ZMIZ2: variants seen among roughly 807,000 people sequenced by gnomAD.
The protein encoded by ZMIZ2 is zinc finger MIZ-type containing 2, also known as zinc finger MIZ domain-containing protein 2.
Under a neutral mutation model 93.9 loss-of-function variants are expected in ZMIZ2, and 26 were observed. The ratio of observed to expected loss-of-function variants is 0.28; its 90% CI spans 0.20 to 0.38. ZMIZ2 has a LOEUF of 0.38. Ranked by LOEUF, ZMIZ2 falls within the 10% of genes least tolerant of loss-of-function variation. The pLI is 1.00. For missense variants in ZMIZ2, 1,023 were observed against 1,235.0 expected (o/e 0.83, Z 2.57); for synonymous variants, 485 against 516.4 (o/e 0.94, Z 0.82).
chr7:44,767,763 C>T lies in ZMIZ2; in HGVS notation c.*140C>T, dbSNP rs1008684399. The T allele has an allele frequency of 3.0e-5, 22 of 744,344 alleles. No individual in the cohort carries two copies. Among genetic ancestry groups the T allele is most frequent in the Non-Finnish European group, 4.5e-5 (20 of 445,014 alleles). The allele number at this position is 744,344 out of a possible 1,614,324, so 46.1% of individuals were successfully genotyped here. ...CACACCTGGAGCCAGAGCCTTCTGC[C>T]GCCAGCCCTGCCCCTGAATTGGAAG... is the stretch of plus-strand genomic sequence containing the variant. On this transcript the variant is annotated 3_prime_UTR_variant, in exon 19 of 19. Coordinates refer to ENST00000309315, the MANE Select transcript of ZMIZ2 (RefSeq NM_031449.4).
In ZMIZ2 at chr7:44,760,405, G is replaced by A. The variant is rs772018972; in HGVS notation, c.1072-20G>A. On this transcript the variant is annotated intron_variant, in intron 8 of 18. Transcript: ENST00000309315. ...TCCACCCTGGCAATCTGCCTTGACTGTTTGTGCTCAACCCTACAGCCTACC... is the reference window on the plus strand; with the variant it reads ...TCCACCCTGGCAATCTGCCTTGACTATTTGTGCTCAACCCTACAGCCTACC... 1.9e-6 allele frequency: 3 copies of A among 1,612,194 alleles called. No homozygotes were observed. The Admixed American group carries it at 5.0e-5, about 27-fold the overall frequency.
chr7:44,768,193 C>T lies in ZMIZ2; in HGVS notation c.*570C>T, dbSNP rs1259995826. ...CAGCCGTGTGTGGTGTCAGGTTCCT[C>T]TCCCCACCCCAGCTTCAAGCAGAGG... On this transcript the variant is annotated 3_prime_UTR_variant, in exon 19 of 19. Transcript: ENST00000309315. The T allele has an allele frequency of 6.3e-6, 1 of 159,790 alleles. No individual in the cohort carries two copies. The highest frequency in any genetic ancestry group is 1.4e-5 in the Non-Finnish European group (1 of 72,784). The allele number at this position is 159,790 out of a possible 1,614,324, so 9.9% of individuals were successfully genotyped here. A position where few individuals can be genotyped will look rare whatever the true frequency, so the allele number is the denominator to read the frequency against.
At chr7:44,756,657 C>G (rs1162615765) in intron 3 of ZMIZ2, 118 bp downstream of exon 3, 61 of 1,144,626 alleles carry the variant, frequency 5.3e-5, no homozygotes, top group Non-Finnish European at 7.4e-5. Flanking sequence ...GACAGAGAGG[C>G]TGAGGCATGA....
At chr7:44,767,254 G>A (rs907399006) in intron 18 of ZMIZ2, among the ~76,000 whole-genome samples, 3 of 152,136 alleles carry the variant, frequency 2.0e-5, no homozygotes, top group African/African-American at 4.8e-5. Context: ...CTCACATCCC[G>A]TTTCCTGGTG....
chr7:44,761,513 C>T lies in ZMIZ2; in HGVS notation c.1305C>T (p.Pro435=). 6.2e-7 allele frequency: 1 copy of T among 1,614,130 alleles called. No homozygotes were observed. Among genetic ancestry groups the T allele is most frequent in the Non-Finnish European group, 8.5e-7 (1 of 1,180,030 alleles). ...TGCGCGATGGGGTGGTCCTGGAGCCCTTCCGCCTGCAGCACAACCTGGCTG... is the reference window on the plus strand; with the variant it reads ...TGCGCGATGGGGTGGTCCTGGAGCCTTTCCGCCTGCAGCACAACCTGGCTG... ...FPVRDGVVLE[P]FRLQHNLAVS... The change falls in exon 10 of 19, where the codon CCC becomes CCT. Residue 435 remains proline, a synonymous_variant. Transcript: ENST00000309315. This position sits in a 1 kb window ranked among gnomAD's most constrained non-coding sequence, Gnocchi z 5.8.
intron 1 of ZMIZ2, chr7:44,751,213 C>G (rs1206839390): frequency 6.6e-6 from 1 of 152,382 alleles, no homozygotes; most frequent in Non-Finnish European, 1.5e-5. Context: ...CCTCCTTGTA[C>G]CTGCCCTGTG....
At chr7:44,752,710 G>C (rs1460652290) in intron 1 of ZMIZ2, among the ~76,000 whole-genome samples, 2 of 152,082 alleles carry the variant, frequency 1.3e-5, no homozygotes, top group Non-Finnish European at 2.9e-5. Flanking sequence ...CCTTTATATT[G>C]CATCCGGGCT....
Position 44,763,783 on chromosome 7 carries a change from C to T in ZMIZ2, c.1860+370C>T, listed in dbSNP as rs1302857516. ...CAAGTAGATGCACAGCCCACTGTCT[C>T]TGTGGTTACATAGTGGTCCCTATTG... On this transcript the variant is annotated intron_variant, in intron 13 of 18. Coordinates refer to ENST00000309315, the MANE Select transcript of ZMIZ2 (RefSeq NM_031449.4). The surrounding 1 kb of genome is among the most constrained non-coding windows in gnomAD (Gnocchi z 5.6). 4.2e-6 allele frequency: 1 copy of T among 238,124 alleles called. No individual in the cohort carries two copies. Among genetic ancestry groups the T allele is most frequent in the Non-Finnish European group, 8.3e-6 (1 of 120,998 alleles). The allele number at this position is 238,124 out of a possible 1,614,324, so 14.8% of individuals were successfully genotyped here. A position where few individuals can be genotyped will look rare whatever the true frequency, so the allele number is the denominator to read the frequency against.
chr7:44,767,433 G>A, intron 18 of ZMIZ2, 83 bp from the exon 19 acceptor site: 2 of 1,197,164 alleles, frequency 1.7e-6, no homozygotes, highest in Non-Finnish European at 2.5e-6. Flanking sequence ...CTGGAGACAG[G>A]GCCGGGATGT....
chr7:44,759,887 G>T, intron 7 of ZMIZ2: 2 of 542,026 alleles, frequency 3.7e-6, no homozygotes, highest in East Asian at 3.4e-5. Context: ...CTACCTCCCT[G>T]GGAGCCTGGG....
Position 44,767,502 on chromosome 7 carries a change from C to CACTTTGTCCTCAGCT in ZMIZ2, c.2656-13_2657dup. The CACTTTGTCCTCAGCT allele has an allele frequency of 6.2e-7, 1 of 1,609,538 alleles. No homozygotes were observed. Among genetic ancestry groups the CACTTTGTCCTCAGCT allele is most frequent in the Non-Finnish European group, 8.5e-7 (1 of 1,175,936 alleles). On this transcript the variant is annotated splice_polypyrimidine_tract_variant and intron_variant, in intron 18 of 18. Coordinates refer to ENST00000309315, the MANE Select transcript of ZMIZ2 (RefSeq NM_031449.4). ...AGTGACCAAAGCTGCTAACAGAGTT[C>CACTTTGTCCTCAGCT]ACTTTGTCCTCAGCTGCTCCCGGAA...
At chr7:44,753,229 T>C (rs1790310673) in intron 1 of ZMIZ2, among the ~76,000 whole-genome samples, 1 of 151,970 alleles carries the variant, frequency 6.6e-6, no homozygotes, top group African/African-American at 2.4e-5. Context: ...TTTTTTTAGT[T>C]TTGAGAATTC....
intron 8 of ZMIZ2, 72 bp from the exon 9 acceptor site, chr7:44,760,353 G>T (rs1791052937): frequency 1.3e-6 from 2 of 1,583,516 alleles, no homozygotes. Flanking sequence ...TTCCCAGTGG[G>T]TGCGCCGTGA....
rs1790650744 is a variant in ZMIZ2, at chr7:44,756,964, G to A, written c.183G>A (p.Met61Ile). The A allele has an allele frequency of 6.2e-7, 1 of 1,610,356 alleles. No individual in the cohort carries two copies. Among genetic ancestry groups the A allele is most frequent in the Non-Finnish European group, 8.5e-7 (1 of 1,179,012 alleles). The change falls in exon 4 of 19, where the codon ATG becomes ATA. Residue 61 changes from methionine (M) to isoleucine (I), a missense_variant. By Grantham distance (10) the Met-to-Ile change is conservative. Coordinates refer to ENST00000309315, the MANE Select transcript of ZMIZ2 (RefSeq NM_031449.4). Reference protein sequence around the residue: ...ATQSQVLGNPMGPAGSPSGSS... With the variant: ...ATQSQVLGNPIGPAGSPSGSS... ...CCTCATAGGTTTTGGGGAACCCCATGGGCCCTGCAGGGAGTCCCTCTGGCA... is the reference window on the plus strand; with the variant it reads ...CCTCATAGGTTTTGGGGAACCCCATAGGCCCTGCAGGGAGTCCCTCTGGCA...
chr7:44,762,313 A>C (rs1343904603), intron 11 of ZMIZ2, among the ~76,000 whole-genome samples: 2 of 152,208 alleles, frequency 1.3e-5, no homozygotes, highest in African/African-American at 2.4e-5. Flanking sequence ...CACATTAATT[A>C]TGTAAGAGAA....
At chr7:44,767,028 C>T (rs1036659976) in intron 18 of ZMIZ2, among the ~76,000 whole-genome samples, 2 of 152,128 alleles carry the variant, frequency 1.3e-5, no homozygotes, top group African/African-American at 4.8e-5. Context: ...ACATGAAGGA[C>T]AGAACTGACT....
At position 44,765,237 on chromosome 7, in the gene ZMIZ2, G is replaced by C; in HGVS notation, c.1998-98G>C. The C allele has an allele frequency of 6.4e-7, 1 of 1,566,900 alleles. No individual in the cohort carries two copies. The highest frequency in any genetic ancestry group is 8.6e-7 in the Non-Finnish European group (1 of 1,157,120). ...TGGGTGGAAGCAAGCATTTGAGTGG[G>C]GGAACCTGCCTGGAAACAGCCCAGG... On this transcript the variant is annotated intron_variant, in intron 15 of 18. Coordinates refer to ENST00000309315, the MANE Select transcript of ZMIZ2 (RefSeq NM_031449.4). This position sits in a 1 kb window ranked among gnomAD's most constrained non-coding sequence, Gnocchi z 4.1.
chr7:44,756,693 C>T (rs1390400009), intron 3 of ZMIZ2, 154 bp downstream of exon 3: 3 of 832,896 alleles, frequency 3.6e-6, no homozygotes, highest in Non-Finnish European at 5.6e-6. Context: ...CCTCCTGAGT[C>T]CCCTAAGTCT....
In ZMIZ2 at chr7:44,763,719, C is replaced by A; in HGVS notation, c.1860+306C>A. On this transcript the variant is annotated intron_variant, in intron 13 of 18. Coordinates refer to ENST00000309315, the MANE Select transcript of ZMIZ2 (RefSeq NM_031449.4). This position sits in a 1 kb window ranked among gnomAD's most constrained non-coding sequence, Gnocchi z 5.6. ...CTGCCCTACCCCCAAGGGTGACCAT[C>A]GTTAGCATCTGTCTTTGCAGAAATA... 5.7e-6 allele frequency: 2 copies of A among 351,030 alleles called. No individual in the cohort carries two copies. The highest frequency in any genetic ancestry group is 9.5e-5 in the South Asian group (2 of 21,044). The allele number at this position is 351,030 out of a possible 1,614,324, so 21.7% of individuals were successfully genotyped here. A position where few individuals can be genotyped will look rare whatever the true frequency, so the allele number is the denominator to read the frequency against.
Sources: allele counts gnomAD v4.1 joint callset (sites outside exome capture counted in the v4.1 genomes callset), GRCh38; gene constraint gnomAD v4.1.1; non-coding constraint Gnocchi (gnomAD v3.1); transcripts MANE v1.5; gene names NCBI Gene and HGNC (gene_info 2026-07-23, HGNC 2026-07-21).